XPO7: variants seen among roughly 807,000 people sequenced by gnomAD.
XPO7 encodes the protein exportin-7.
Under a neutral mutation model 144.3 loss-of-function variants are expected in XPO7, and 21 were observed. The observed-to-expected ratio is 0.15, with a 90% CI of 0.10 to 0.21. The LOEUF (loss-of-function observed/expected upper bound fraction) is 0.21. Ranked by LOEUF, XPO7 falls within the 10% of genes least tolerant of loss-of-function variation. XPO7 has a pLI of 1.00. For missense variants in XPO7, 808 were observed against 1,325.8 expected (o/e 0.61, Z 6.06); for synonymous variants, 580 against 499.6 (o/e 1.16, Z -2.15).
At chr8:21,997,615 T>C (rs926208985) in intron 21 of XPO7, among the ~76,000 whole-genome samples, 2 of 152,126 alleles carry the variant, frequency 1.3e-5, no homozygotes, top group African/African-American at 4.8e-5. Flanking sequence ...AGCCAGATCA[T>C]CTAGTGCCTT....
intron 1 of XPO7, among the ~76,000 whole-genome samples, chr8:21,963,094 A>G (rs1811776007): frequency 1.3e-5 from 2 of 152,226 alleles, no homozygotes; most frequent in Admixed American, 6.5e-5. Context: ...TATTTGTGGC[A>G]TTCGAATTAT....
At chr8:21,951,729 T>C (rs1377951508) in intron 1 of XPO7, among the ~76,000 whole-genome samples, 1 of 152,234 alleles carries the variant, frequency 6.6e-6, no homozygotes, top group African/African-American at 2.4e-5. Context: ...TGTTTTGTTA[T>C]TGTCTCCCAA....
chr8:21,970,369 A>ACAC, intron 4 of XPO7, 59 bp downstream of exon 4: 1 of 1,135,684 alleles, frequency 8.8e-7, no homozygotes, highest in Admixed American at 2.5e-5. Flanking sequence ...CATATATATA[A>ACAC]ACACACACAC....
chr8:21,959,062 A>T (rs1363547697), intron 1 of XPO7, among the ~76,000 whole-genome samples: 1 of 152,130 alleles, frequency 6.6e-6, no homozygotes, highest in African/African-American at 2.4e-5. Flanking sequence ...GTCCACGTGC[A>T]TGAATGACTG....
intron 19 of XPO7, among the ~76,000 whole-genome samples, chr8:21,993,262 A>C (rs1486706047): frequency 6.6e-6 from 1 of 152,224 alleles, no homozygotes; most frequent in Admixed American, 6.5e-5. Context: ...AACCAAAAGA[A>C]CAACCTTGGT....
intron 6 of XPO7, 40 bp downstream of exon 6, chr8:21,974,814 G>A: frequency 6.9e-7 from 1 of 1,452,312 alleles, no homozygotes; most frequent in Middle Eastern, 1.7e-4. Context: ...AGTTTCTTTT[G>A]AAAGAATGAG....
In XPO7 at chr8:21,954,360, G is replaced by A. The variant is rs578228660; in HGVS notation, c.19-12497G>A. 7.7e-4 allele frequency among the ~76,000 whole-genome samples: 117 copies of A among 152,314 alleles called. 2 individuals are homozygous for A. The highest frequency in any genetic ancestry group is 9.0e-4 in the Non-Finnish European group (61 of 68,032). ...ACTTAAAATAATAAATGTGGGCTGC[G>A]TGCAGTGGCTTACACCTGTAATCCC... On this transcript the variant is annotated intron_variant, in intron 1 of 27. Coordinates refer to ENST00000252512, the MANE Select transcript of XPO7 (RefSeq NM_015024.5).
At chr8:22,003,598 G>GGACCTAA (rs1248135263) in intron 26 of XPO7, among the ~76,000 whole-genome samples, 1 of 152,122 alleles carries the variant, frequency 6.6e-6, no homozygotes, top group Non-Finnish European at 1.5e-5. Context: ...GGGTATCAGA[G>GGACCTAA]GACCTAAGAC....
chr8:21,987,695 C>A, intron 14 of XPO7, 89 bp from the exon 15 acceptor site: 2 of 1,419,368 alleles, frequency 1.4e-6, no homozygotes, highest in Non-Finnish European at 2.0e-6. Context: ...TTTTCTTCCA[C>A]ATCTTACCCA....
Position 21,981,772 on chromosome 8 carries a change from A to G in XPO7, c.999A>G (p.Leu333=), listed in dbSNP as rs747077128. The G allele has an allele frequency of 3.6e-5, 58 of 1,613,848 alleles. No individual in the cohort carries two copies. Among genetic ancestry groups the G allele is most frequent in the Middle Eastern group, 3.3e-4 (2 of 6,084 alleles). The part of the protein sequence containing the change: ...DPNNYHEFCR[L]LARLKSNYQL... ...ACAATTACCATGAGTTTTGCAGACT[A>G]CTGGCCCGATTGAAGAGTAACTATC... Residue 333 remains leucine, a synonymous_variant, in exon 10 of 28, where the codon CTA becomes CTG. Coordinates refer to ENST00000252512, the MANE Select transcript of XPO7 (RefSeq NM_015024.5).
At chr8:21,990,585 AGATGAT>A in intron 17 of XPO7, 178 bp downstream of exon 17, 1 of 769,084 alleles carries the variant, frequency 1.3e-6, no homozygotes, top group East Asian at 2.6e-5. Context: ...TTTGAGATCC[AGATGAT>A]GTGAGTTATG....
At chr8:21,961,358 C>T (rs968598844) in intron 1 of XPO7, among the ~76,000 whole-genome samples, 4 of 151,868 alleles carry the variant, frequency 2.6e-5, no homozygotes, top group Non-Finnish European at 5.9e-5. Flanking sequence ...GACAAGGGCA[C>T]GCTACCACAC....
chr8:21,995,857 C>T (rs1812930233), intron 21 of XPO7, among the ~76,000 whole-genome samples: 1 of 152,128 alleles, frequency 6.6e-6, no homozygotes, highest in South Asian at 2.1e-4. Context: ...TGCTGTCTCC[C>T]AGGCTGGAGT....
In XPO7 at chr8:21,971,811, G is replaced by A. The variant is rs1812069805; in HGVS notation, c.427-65G>A. ...GAACCCGTCATTCGAAAGTATGAGT[G>A]CATTCCAAATGCCAAAACCAAGCAC... On this transcript the variant is annotated intron_variant, in intron 4 of 27. Coordinates refer to ENST00000252512, the MANE Select transcript of XPO7 (RefSeq NM_015024.5). The A allele has an allele frequency of 5.2e-6, 7 of 1,344,134 alleles. No individual in the cohort carries two copies. In the Admixed American group the frequency reaches 6.9e-5, roughly 13 times the overall value. 83.3% of individuals were successfully genotyped at this position (1,344,134 alleles called of 1,614,324 possible). A position where few individuals can be genotyped will look rare whatever the true frequency, so the allele number is the denominator to read the frequency against.
At chr8:21,921,752 A>G (rs1310465081) in intron 1 of XPO7, 1 of 152,158 alleles carries the variant, frequency 6.6e-6, no homozygotes, top group Non-Finnish European at 1.5e-5. Flanking sequence ...GGTACCCTTT[A>G]TTTACTTTTA....
intron 6 of XPO7, 106 bp downstream of exon 6, chr8:21,974,880 C>A: frequency 2.2e-6 from 2 of 908,132 alleles, no homozygotes; most frequent in Non-Finnish European, 3.3e-6. Context: ...AGAGTTTATG[C>A]ATCTGTTTAA....
chr8:21,957,210 C>CT (rs1563320911), intron 1 of XPO7, among the ~76,000 whole-genome samples: 2 of 152,074 alleles, frequency 1.3e-5, no homozygotes, highest in Non-Finnish European at 1.5e-5. Flanking sequence ...CTTCATTGAC[C>CT]TATTTGTTAC....
At chr8:21,990,647 G>A (rs1812740975) in intron 17 of XPO7, 164 bp from the exon 18 acceptor site, 5 of 734,868 alleles carry the variant, frequency 6.8e-6, no homozygotes, top group Non-Finnish European at 1.1e-5. Flanking sequence ...ATTAGTAGTA[G>A]TGACAACGGT....
At chr8:22,004,952 C>T in intron 27 of XPO7, 43 bp from the exon 28 acceptor site, 2 of 746,064 alleles carry the variant, frequency 2.7e-6, no homozygotes, top group Non-Finnish European at 4.2e-6. Flanking sequence ...AATACCTTTC[C>T]CCCCCACTCT....
Sources: allele counts gnomAD v4.1 joint callset (sites outside exome capture counted in the v4.1 genomes callset), GRCh38; gene constraint gnomAD v4.1.1; transcripts MANE v1.5; gene names NCBI Gene and HGNC (gene_info 2026-07-23, HGNC 2026-07-21).